The following FKTN variants were observed in gnomAD, a reference collection of about 807,000 sequenced individuals.
The protein encoded by FKTN is fukutin.
A neutral mutation model predicts 58.6 loss-of-function variants in FKTN; 47 were observed. The observed-to-expected ratio is 0.80, with a 90% CI of 0.63 to 1.02. The LOEUF (loss-of-function observed/expected upper bound fraction) is 1.02, where lower values mean the gene tolerates loss of function less well. Ranked by LOEUF, FKTN falls within the 50% of genes least tolerant of loss-of-function variation. The pLI is 0.00. For missense variants in FKTN, 516 were observed against 537.3 expected (o/e 0.96, Z 0.39); for synonymous variants, 178 against 191.9 (o/e 0.93, Z 0.60).
Position 105,567,855 on chromosome 9 carries a change from C to G in FKTN, c.-180-5800C>G, listed in dbSNP as rs377053946. Among the ~76,000 whole-genome samples, 10 of 152,248 alleles carry G rather than the reference C, an allele frequency of 6.6e-5. No individual in the cohort carries two copies. In the South Asian group the frequency reaches 2.1e-3, roughly 32 times the overall value. Reference sequence around the variant, plus strand: ...CCAAGTCAATCCTAAGCTAAAAGAACAAAGCTGGAGGCATCACGCTACCTG... The same window carrying G: ...CCAAGTCAATCCTAAGCTAAAAGAAGAAAGCTGGAGGCATCACGCTACCTG... On this transcript the variant is annotated intron_variant, in intron 1 of 10. Coordinates refer to ENST00000357998, the MANE Select transcript of FKTN (RefSeq NM_001079802.2).
chr9:105,636,605 T>A lies in FKTN; in HGVS notation c.*1341T>A, dbSNP rs1254009472. ...TCTCTCTCTTATATCACTTGAATGA[T>A]ATATTGTAAGTGAGAGGTAAAGGAA... On this transcript the variant is annotated 3_prime_UTR_variant, in exon 11 of 11. Coordinates refer to ENST00000357998, the MANE Select transcript of FKTN (RefSeq NM_001079802.2). 3.4e-6 allele frequency: 4 copies of A among 1,159,538 alleles called. No individual in the cohort carries two copies. In the East Asian group the frequency reaches 2.6e-4, roughly 74 times the overall value. 71.8% of individuals were successfully genotyped at this position (1,159,538 alleles called of 1,614,324 possible).
chr9:105,596,375 T>C (rs1448794391), intron 3 of FKTN, among the ~76,000 whole-genome samples: 1 of 152,246 alleles, frequency 6.6e-6, no homozygotes, highest in African/African-American at 2.4e-5. Context: ...TATTATTTAA[T>C]AACTTAATTA....
Position 105,601,384 on chromosome 9 carries a change from C to T in FKTN, c.369+36C>T, listed in dbSNP as rs370149414. 3.7e-5 allele frequency: 52 copies of T among 1,402,306 alleles called. No homozygotes were observed. In the African/African-American group the frequency reaches 7.1e-4, roughly 19 times the overall value. 86.9% of individuals were successfully genotyped at this position (1,402,306 alleles called of 1,614,324 possible). A position where few individuals can be genotyped will look rare whatever the true frequency, so the allele number is the denominator to read the frequency against. ...TGCTTTCAGATAATGGAATGTGTCT[C>T]TTTTTACAAAATAGTATAGGTTTAG... On this transcript the variant is annotated intron_variant, in intron 5 of 10. Coordinates refer to ENST00000357998, the MANE Select transcript of FKTN (RefSeq NM_001079802.2).
chr9:105,606,680 AAT>A lies in FKTN; in HGVS notation c.648-1126_648-1125del, dbSNP rs34580084. Among the ~76,000 whole-genome samples, 16,725 of 132,042 alleles carry A rather than the reference AAT, an allele frequency of 0.13. 1,386 individuals are homozygous for A. The highest frequency in any genetic ancestry group is 0.27 in the African/African-American group (9,401 of 35,280). 86.6% of individuals were successfully genotyped at this position (132,042 alleles called of 152,430 possible). Reference sequence around the variant, plus strand: ...ATGTTTATTCTTGCCTTCTTTTAAAAATATATATATATATTATATATATATGT... The same window carrying A: ...ATGTTTATTCTTGCCTTCTTTTAAAAATATATATATATTATATATATATGT... On this transcript the variant is annotated intron_variant, in intron 6 of 10. Transcript: ENST00000357998.
intron 3 of FKTN, among the ~76,000 whole-genome samples, chr9:105,595,329 TA>T (rs900879066): frequency 2.0e-5 from 3 of 152,096 alleles, no homozygotes; most frequent in Non-Finnish European, 2.9e-5. Context: ...TATATCTCAA[TA>T]AAGCTATATA....
chr9:105,632,515 A>G (rs1194817792), intron 10 of FKTN, among the ~76,000 whole-genome samples: 2 of 151,776 alleles, frequency 1.3e-5, no homozygotes, highest in Non-Finnish European at 2.9e-5. Context: ...CTCTGAGCCT[A>G]GTAATAATAA....
At chr9:105,616,257 C>T (rs1353790419) in intron 8 of FKTN, among the ~76,000 whole-genome samples, 1 of 152,116 alleles carries the variant, frequency 6.6e-6, no homozygotes, top group Non-Finnish European at 1.5e-5. Context: ...ATTTCTATCC[C>T]AAAGATTGTT....
At chr9:105,589,350 T>C (rs1209668139) in intron 3 of FKTN, among the ~76,000 whole-genome samples, 1 of 151,976 alleles carries the variant, frequency 6.6e-6, no homozygotes. Flanking sequence ...ATACCAAAAT[T>C]AGCTGGGTGT....
At chr9:105,588,503 T>G (rs1019661628) in intron 3 of FKTN, among the ~76,000 whole-genome samples, 8 of 152,234 alleles carry the variant, frequency 5.3e-5, no homozygotes, top group African/African-American at 1.9e-4. Context: ...TCAATCCTTA[T>G]GTCTAGGAAC....
chr9:105,562,261 G>C (rs1838436144), intron 1 of FKTN, among the ~76,000 whole-genome samples: 1 of 152,224 alleles, frequency 6.6e-6, no homozygotes, highest in East Asian at 1.9e-4. Flanking sequence ...AAGACTTGGT[G>C]GTTAGTTTTT....
At chr9:105,559,880 A>G (rs1288712895) in intron 1 of FKTN, among the ~76,000 whole-genome samples, 1 of 152,126 alleles carries the variant, frequency 6.6e-6, no homozygotes, top group Non-Finnish European at 1.5e-5. Flanking sequence ...GGCCATACCC[A>G]CAGAGAGGAG....
intron 10 of FKTN, among the ~76,000 whole-genome samples, chr9:105,632,698 T>C (rs1588302851): frequency 6.6e-6 from 1 of 152,190 alleles, no homozygotes; most frequent in Non-Finnish European, 1.5e-5. Context: ...ATTCCAATTA[T>C]TGAACTACTG....
intron 3 of FKTN, among the ~76,000 whole-genome samples, chr9:105,581,403 C>T (rs1195993098): frequency 6.7e-6 from 1 of 148,662 alleles, no homozygotes; most frequent in African/African-American, 2.5e-5. Flanking sequence ...CCCTCAGCTG[C>T]AGGTCTGTTG....
chr9:105,599,204 A>G (rs1827381055), intron 4 of FKTN, among the ~76,000 whole-genome samples: 1 of 152,134 alleles, frequency 6.6e-6, no homozygotes, highest in Non-Finnish European at 1.5e-5. Flanking sequence ...TAGATACTGA[A>G]TTTTGTCAAA....
intron 4 of FKTN, among the ~76,000 whole-genome samples, chr9:105,600,355 A>G (rs1327559321): frequency 6.6e-6 from 1 of 152,098 alleles, no homozygotes; most frequent in Non-Finnish European, 1.5e-5. Context: ...CACCTTTTTG[A>G]TAGGCAAACA....
chr9:105,564,756 T>G (rs1198941912), intron 1 of FKTN, among the ~76,000 whole-genome samples: 2 of 152,188 alleles, frequency 1.3e-5, no homozygotes, highest in Admixed American at 6.5e-5. Flanking sequence ...TTCCCCAACC[T>G]AGCAAGGCAG....
At chr9:105,574,026 C>T (rs1232404553) in intron 2 of FKTN, among the ~76,000 whole-genome samples, 1 of 152,024 alleles carries the variant, frequency 6.6e-6, no homozygotes, top group Non-Finnish European at 1.5e-5. Flanking sequence ...GATGATATAG[C>T]AAATGGATTG....
intron 10 of FKTN, among the ~76,000 whole-genome samples, chr9:105,623,655 A>G (rs1832333054): frequency 6.6e-6 from 1 of 152,024 alleles, no homozygotes; most frequent in South Asian, 2.1e-4. Flanking sequence ...GATCCTGTGT[A>G]ATTTATCACT....
chr9:105,635,543 T>G lies in FKTN; in HGVS notation c.*279T>G, dbSNP rs1833971866. 2 of 1,304,320 alleles carry G rather than the reference T, an allele frequency of 1.5e-6. No individual in the cohort carries two copies. The highest frequency in any genetic ancestry group is 9.8e-7 in the Non-Finnish European group (1 of 1,020,174). 80.8% of individuals were successfully genotyped at this position (1,304,320 alleles called of 1,614,324 possible). A position where few individuals can be genotyped will look rare whatever the true frequency, so the allele number is the denominator to read the frequency against. ...TTTGGTAAACAACTCAATTTTCCTT[T>G]GAGGGAACCCTCCCCCACCCTTTGA... On this transcript the variant is annotated 3_prime_UTR_variant, in exon 11 of 11. Transcript: ENST00000357998.
Sources: gnomAD v4.1 joint callset for allele counts (sites outside exome capture counted in the v4.1 genomes callset) on GRCh38, gnomAD v4.1.1 for gene constraint, MANE v1.5 for transcripts, NCBI Gene and HGNC (gene_info 2026-07-23, HGNC 2026-07-21) for gene names.